Variants in NTM observed in about 807,000 individuals in gnomAD.
NTM encodes the protein neurotrimin, also known as IgLON family member 2.
Under a neutral mutation model 42.1 loss-of-function variants are expected in NTM, and 13 were observed. The observed-to-expected ratio is 0.31, with a 90% CI of 0.20 to 0.49. NTM has a LOEUF of 0.49. Among genes scored for constraint, NTM ranks in the 20% least tolerant of loss-of-function variants. NTM has a pLI of 0.99. For synonymous variants in NTM, 187 were observed against 179.2 expected, an observed-to-expected ratio of 1.04 and a Z score of -0.35; for missense variants, 373 against 452.8, an observed-to-expected ratio of 0.82 and a Z score of 1.60.
At chr11:131,411,675 C>A (rs978554407) in intron 1 of NTM, among the ~76,000 whole-genome samples, 2 of 151,144 alleles carry the variant, frequency 1.3e-5, no homozygotes, top group Non-Finnish European at 2.9e-5. Flanking sequence ...AGGTGATATT[C>A]TTCTCCCAAA....
chr11:131,398,323 A>G, intron 1 of NTM, among the ~76,000 whole-genome samples: 1 of 152,200 alleles, frequency 6.6e-6, no homozygotes. Flanking sequence ...ATGTATCTTT[A>G]TTAAATATAA....
At chr11:131,989,145 T>G (rs60127407) in intron 2 of NTM, among the ~76,000 whole-genome samples, 2 of 152,092 alleles carry the variant, frequency 1.3e-5, no homozygotes, top group Admixed American at 1.3e-4. Context: ...TAAAATACAC[T>G]GGACTGAAAG....
intron 2 of NTM, among the ~76,000 whole-genome samples, chr11:132,077,688 G>A (rs149799122): frequency 6.6e-6 from 1 of 152,234 alleles, no homozygotes; most frequent in East Asian, 1.9e-4. Flanking sequence ...TTACCAGACA[G>A]TGGTCTCAAA....
At chr11:131,787,587 T>C (rs529820221) in intron 1 of NTM, among the ~76,000 whole-genome samples, 1 of 152,180 alleles carries the variant, frequency 6.6e-6, no homozygotes, top group South Asian at 2.1e-4. Context: ...GGTTTCACCA[T>C]GTTGGCCAGG....
intron 1 of NTM, among the ~76,000 whole-genome samples, chr11:131,839,759 G>A (rs1039263367): frequency 2.0e-5 from 3 of 152,240 alleles, no homozygotes; most frequent in Non-Finnish European, 4.4e-5. Context: ...AGCAAATGCA[G>A]TTGTTGGGAA....
chr11:132,261,167 T>C (rs1281613572), intron 4 of NTM, among the ~76,000 whole-genome samples: 1 of 152,126 alleles, frequency 6.6e-6, no homozygotes, highest in African/African-American at 2.4e-5. Context: ...AAGGTGGGCT[T>C]TTTATGGAGA....
intron 1 of NTM, among the ~76,000 whole-genome samples, chr11:131,468,352 G>A (rs1486131851): frequency 6.6e-6 from 1 of 152,238 alleles, no homozygotes; most frequent in Non-Finnish European, 1.5e-5. Context: ...GAATTAAAAT[G>A]TTGCTCGGTG....
intron 4 of NTM, among the ~76,000 whole-genome samples, chr11:132,246,729 G>A (rs920708464): frequency 6.6e-6 from 1 of 152,228 alleles, no homozygotes; most frequent in African/African-American, 2.4e-5. Flanking sequence ...CTAAACACAT[G>A]TAGTTATAGC....
chr11:131,395,641 G>T (rs181783721), intron 1 of NTM, among the ~76,000 whole-genome samples: 1 of 152,100 alleles, frequency 6.6e-6, no homozygotes, highest in Non-Finnish European at 1.5e-5. Context: ...CATTAGAACC[G>T]CTCTGAGTTT....
chr11:131,693,410 G>A (rs532386186), intron 1 of NTM, among the ~76,000 whole-genome samples: 7 of 152,206 alleles, frequency 4.6e-5, no homozygotes, highest in South Asian at 4.2e-4. Context: ...GAGTTAAATC[G>A]CCAGGATAAG....
intron 3 of NTM, among the ~76,000 whole-genome samples, chr11:132,197,805 A>G (rs953638363): frequency 4.0e-5 from 6 of 151,884 alleles, no homozygotes; most frequent in African/African-American, 1.5e-4. Context: ...AGCTTCATCC[A>G]TGTCCCTACA....
In NTM at chr11:131,682,439, G is replaced by A. The variant is rs76770010; in HGVS notation, c.83-229125G>A. Among the ~76,000 whole-genome samples, 1,470 of 152,254 alleles carry A rather than the reference G, an allele frequency of 9.7e-3. 26 individuals carry two copies. The highest frequency in any genetic ancestry group is 0.033 in the African/African-American group (1,371 of 41,560). On this transcript the variant is annotated intron_variant, in intron 1 of 8. Transcript: ENST00000683400. ...CTGCTCCTGCTATCCTAACCCCATC[G>A]GCTGCAGGGAGTCCTGGGAGGCTGA...
intron 1 of NTM, among the ~76,000 whole-genome samples, chr11:131,560,097 C>A (rs1337782041): frequency 6.6e-6 from 1 of 152,350 alleles, no homozygotes; most frequent in East Asian, 1.9e-4. Context: ...AGCACAATTG[C>A]TGCCCCACGT....
intron 1 of NTM, among the ~76,000 whole-genome samples, chr11:131,429,662 A>G (rs990020509): frequency 1.3e-5 from 2 of 152,206 alleles, no homozygotes; most frequent in African/African-American, 4.8e-5. Flanking sequence ...CATATATGCT[A>G]TTTGAACACA....
intron 2 of NTM, among the ~76,000 whole-genome samples, chr11:132,096,340 T>G (rs2060984320): frequency 6.6e-6 from 1 of 152,286 alleles, no homozygotes; most frequent in African/African-American, 2.4e-5. Flanking sequence ...TGGGTGCTAA[T>G]TTTGCTATAG....
intron 1 of NTM, among the ~76,000 whole-genome samples, chr11:131,389,895 C>T (rs1012568849): frequency 5.9e-5 from 9 of 152,040 alleles, no homozygotes; most frequent in South Asian, 4.2e-4. Context: ...AAGGGAAGCC[C>T]GGGGAAAGGA....
rs1592283156 is a variant in NTM, at chr11:131,629,474, A to G, written c.82+258586A>G. Among the ~76,000 whole-genome samples, 3 of 152,334 alleles carry G rather than the reference A, an allele frequency of 2.0e-5. No homozygotes were observed. The East Asian group carries it at 5.8e-4, about 29-fold the overall frequency. ...TCCTTACATGAAGGACAGAACAGGCAGCTATATGGTGAAGAAATGTACAGA... is the reference window on the plus strand; with the variant it reads ...TCCTTACATGAAGGACAGAACAGGCGGCTATATGGTGAAGAAATGTACAGA... On this transcript the variant is annotated intron_variant, in intron 1 of 8. Transcript: ENST00000683400.
chr11:131,559,096 G>A (rs1361551076), intron 1 of NTM, among the ~76,000 whole-genome samples: 3 of 152,066 alleles, frequency 2.0e-5, no homozygotes, highest in East Asian at 1.9e-4. Flanking sequence ...TGGAAGACCC[G>A]CAAGGAGGTT....
intron 1 of NTM, among the ~76,000 whole-genome samples, chr11:131,444,373 C>T (rs543338872): frequency 6.6e-6 from 1 of 152,240 alleles, no homozygotes; most frequent in Non-Finnish European, 1.5e-5. Flanking sequence ...TTGCTCATAT[C>T]AAATGCTGCA....
Sources: gnomAD v4.1 joint callset for allele counts (sites outside exome capture counted in the v4.1 genomes callset) on GRCh38, gnomAD v4.1.1 for gene constraint, MANE v1.5 for transcripts, NCBI Gene and HGNC (gene_info 2026-07-23, HGNC 2026-07-21) for gene names.